The following PDXK variants were observed in gnomAD, a reference collection of about 807,000 sequenced individuals.
The protein encoded by PDXK is epididymis secretory sperm binding protein Li 1a.
A neutral mutation model predicts 43.2 loss-of-function variants in PDXK; 15 were observed. The observed-to-expected ratio is 0.35, with a 90% confidence interval of 0.23 to 0.53. The LOEUF is 0.53. Ranked by LOEUF, PDXK falls within the 20% of genes least tolerant of loss-of-function variation. The probability of loss-of-function intolerance (pLI) is 0.92; values close to 1 mark genes in which losing one functional copy is unlikely to be tolerated. For missense variants in PDXK, 343 were observed against 417.0 expected (o/e 0.82, Z 1.54); for synonymous variants, 172 against 165.4 (o/e 1.04, Z -0.31).
At position 43,755,692 on chromosome 21, in the gene PDXK, C is replaced by G; in HGVS notation, c.760-6C>G. 1.9e-6 allele frequency: 3 copies of G among 1,612,162 alleles called. No individual in the cohort carries two copies. The highest frequency in any genetic ancestry group is 8.5e-7 in the Non-Finnish European group (1 of 1,178,234). ...CAGGGGCACAGCAAGTCTGTCCTCC[C>G]TGCAGGTGGCCTGTGAGAAGACCGT... On this transcript the variant is annotated splice_polypyrimidine_tract_variant and splice_region_variant and intron_variant, in intron 9 of 10. Coordinates refer to ENST00000291565, the MANE Select transcript of PDXK (RefSeq NM_003681.5).
chr21:43,732,793 G>A lies in PDXK; in HGVS notation c.88-1276G>A. The A allele has an allele frequency of 3.3e-6, 2 of 597,056 alleles. No individual in the cohort carries two copies. Among genetic ancestry groups the A allele is most frequent in the Non-Finnish European group, 2.9e-6 (1 of 339,746 alleles). The allele number at this position is 597,056 out of a possible 1,614,324, so 37.0% of individuals were successfully genotyped here. A position where few individuals can be genotyped will look rare whatever the true frequency, so the allele number is the denominator to read the frequency against. ...GACATATTCTCACTCCGTCACCCAG[G>A]CTAGAGTGCAGTGGTGCCATCAGGG... On this transcript the variant is annotated intron_variant, in intron 1 of 10. Transcript: ENST00000291565. This position sits in a 1 kb window ranked among gnomAD's most constrained non-coding sequence, Gnocchi z 4.1.
chr21:43,750,438 C>A, intron 6 of PDXK, 62 bp from the exon 7 acceptor site: 1 of 1,445,052 alleles, frequency 6.9e-7, no homozygotes, highest in Non-Finnish European at 9.6e-7. Context: ...GGAATGTCAA[C>A]ACACAACCCG....
rs2083924127 is a variant in PDXK, at chr21:43,760,953, C to A, written c.*4890C>A. 2 of 152,248 alleles carry A rather than the reference C, an allele frequency of 1.3e-5. No individual in the cohort carries two copies. The highest frequency in any genetic ancestry group is 2.9e-5 in the Non-Finnish European group (2 of 68,042). 9.4% of individuals were successfully genotyped at this position (152,248 alleles called of 1,614,324 possible). Reference sequence around the variant, plus strand: ...CTGGTTTTCAATCGGCGTCTAAAACCACGTTCCTGCCTTTCATTGCAACAC... The same window carrying A: ...CTGGTTTTCAATCGGCGTCTAAAACAACGTTCCTGCCTTTCATTGCAACAC... On this transcript the variant is annotated 3_prime_UTR_variant, in exon 11 of 11. Coordinates refer to ENST00000291565, the MANE Select transcript of PDXK (RefSeq NM_003681.5).
At position 43,719,196 on chromosome 21, in the gene PDXK, G is replaced by C. The variant is rs1266791573; in HGVS notation, c.-99G>C. The C allele has an allele frequency of 1.8e-6, 1 of 541,188 alleles. No individual in the cohort carries two copies. Among genetic ancestry groups the C allele is most frequent in the East Asian group, 4.3e-5 (1 of 23,470 alleles). The allele number at this position is 541,188 out of a possible 1,614,324, so 33.5% of individuals were successfully genotyped here. On this transcript the variant is annotated 5_prime_UTR_variant, in exon 1 of 11. Transcript: ENST00000291565. ...AGAGCCAGAGTCGCAGCCGAGGGGA[G>C]CCGGGGCCGGAGCCCGAGCCCGAGC... is the stretch of plus-strand genomic sequence containing the variant.
Position 43,719,252 on chromosome 21 carries a change from C to A in PDXK, c.-43C>A. ...CGGAGCCCGAGCGAGCGGCGGAGACCGTGCCCCCGCCTCGGCCCCGCGCCG... is the reference window on the plus strand; with the variant it reads ...CGGAGCCCGAGCGAGCGGCGGAGACAGTGCCCCCGCCTCGGCCCCGCGCCG... On this transcript the variant is annotated 5_prime_UTR_variant, in exon 1 of 11. Coordinates refer to ENST00000291565, the MANE Select transcript of PDXK (RefSeq NM_003681.5). 1 of 1,202,362 alleles carries A rather than the reference C, an allele frequency of 8.3e-7. No homozygotes were observed. The highest frequency in any genetic ancestry group is 1.1e-6 in the Non-Finnish European group (1 of 913,210). 74.5% of individuals were successfully genotyped at this position (1,202,362 alleles called of 1,614,324 possible).
rs1307517623 is a variant in PDXK, at chr21:43,727,470, CCT to C, written c.88-6598_88-6597del. The stretch of plus-strand genomic sequence containing the variant: ...TGTGGCCAAGACAAGCCTGCCAGCC[CCT>C]GTCCCTGTCCTTGGCCACTCCTCCG... On this transcript the variant is annotated intron_variant, in intron 1 of 10. Transcript: ENST00000291565. 3.3e-5 allele frequency among the ~76,000 whole-genome samples: 5 copies of C among 152,190 alleles called. No homozygotes were observed. In the South Asian group the frequency reaches 6.2e-4, roughly 19 times the overall value.
chr21:43,724,395 G>A (rs1264769059), intron 1 of PDXK, among the ~76,000 whole-genome samples: 1 of 152,180 alleles, frequency 6.6e-6, no homozygotes, highest in Non-Finnish European at 1.5e-5. Context: ...CCGGACAGGA[G>A]CAGAAGCTGC....
At chr21:43,747,919 C>T (rs908646383) in intron 5 of PDXK, among the ~76,000 whole-genome samples, 4 of 152,160 alleles carry the variant, frequency 2.6e-5, no homozygotes, top group African/African-American at 9.7e-5. Flanking sequence ...GTCCAGGGAT[C>T]GGGGACATCC....
chr21:43,750,960 GCA>G (rs1491140510), intron 7 of PDXK, among the ~76,000 whole-genome samples: 12 of 60,218 alleles, frequency 2.0e-4, no homozygotes, highest in African/African-American at 1.1e-3. Flanking sequence ...ACATGTGTGT[GCA>G]TGTGTGTGTG....
Position 43,725,140 on chromosome 21 carries a change from G to A in PDXK, c.87+5759G>A, listed in dbSNP as rs985563981. Among the ~76,000 whole-genome samples, 11 of 152,114 alleles carry A rather than the reference G, an allele frequency of 7.2e-5. No individual in the cohort carries two copies. In the East Asian group the frequency reaches 1.9e-3, roughly 27 times the overall value. ...AGATCGAGACCAGTCTGGCTAACAC[G>A]GTAAAACCCCGTCTCTACTAAAATT... On this transcript the variant is annotated intron_variant, in intron 1 of 10. Coordinates refer to ENST00000291565, the MANE Select transcript of PDXK (RefSeq NM_003681.5).
chr21:43,744,927 G>A (rs1317574070), intron 4 of PDXK, among the ~76,000 whole-genome samples: 1 of 152,206 alleles, frequency 6.6e-6, no homozygotes, highest in Admixed American at 6.5e-5. Flanking sequence ...ACTCAGTCTG[G>A]AAAAGGAAGG....
chr21:43,750,419 G>C (rs2083714254), intron 6 of PDXK, 81 bp from the exon 7 acceptor site: 7 of 1,265,676 alleles, frequency 5.5e-6, no homozygotes, highest in Non-Finnish European at 7.9e-6. Flanking sequence ...CAGAGCCGCT[G>C]CGGTTTGGGG....
chr21:43,744,008 G>C (rs2083593362), intron 4 of PDXK, among the ~76,000 whole-genome samples: 1 of 152,240 alleles, frequency 6.6e-6, no homozygotes, highest in Non-Finnish European at 1.5e-5. Context: ...GCGTTTGCAG[G>C]TGACCCTGGT....
intron 9 of PDXK, 99 bp downstream of exon 9, chr21:43,753,818 A>G: frequency 7.2e-7 from 1 of 1,379,906 alleles, no homozygotes; most frequent in Admixed American, 2.1e-5. Flanking sequence ...CTGAGCTGAC[A>G]GGGCATGGCC....
chr21:43,729,938 T>C (rs2083296363), intron 1 of PDXK, among the ~76,000 whole-genome samples: 1 of 151,918 alleles, frequency 6.6e-6, no homozygotes, highest in Admixed American at 6.6e-5. Flanking sequence ...CATGAGATCC[T>C]GTCTCAAAAA....
At chr21:43,746,200 C>T in intron 5 of PDXK, 75 bp downstream of exon 5, 1 of 1,173,820 alleles carries the variant, frequency 8.5e-7, no homozygotes, top group South Asian at 1.2e-5. Context: ...GACAGGCCCA[C>T]ATCTCTAAGT....
chr21:43,728,660 C>A, intron 1 of PDXK: 1 of 951,660 alleles, frequency 1.1e-6, no homozygotes, highest in Non-Finnish European at 1.3e-6. Flanking sequence ...CGCACGTGGG[C>A]CCTGGGAGGA....
chr21:43,730,076 T>G (rs2083298397), intron 1 of PDXK, among the ~76,000 whole-genome samples: 1 of 152,000 alleles, frequency 6.6e-6, no homozygotes, highest in Admixed American at 6.6e-5. Context: ...ACAGCAGGTA[T>G]GGACATCAGA....
intron 3 of PDXK, among the ~76,000 whole-genome samples, chr21:43,743,215 C>T (rs1424992808): frequency 2.6e-5 from 2 of 78,322 alleles, no homozygotes; most frequent in Non-Finnish European, 2.6e-5. Flanking sequence ...TCCCTCCCCC[C>T]GCCCCCAGCA....
Sources: allele counts gnomAD v4.1 joint callset (sites outside exome capture counted in the v4.1 genomes callset), GRCh38; gene constraint gnomAD v4.1.1; non-coding constraint Gnocchi (gnomAD v3.1); transcripts MANE v1.5; gene names NCBI Gene and HGNC (gene_info 2026-07-23, HGNC 2026-07-21).